Variants in KLHL1 observed in about 807,000 individuals in gnomAD.
The protein encoded by KLHL1 is kelch-like protein 1.
KLHL1 carries 47 observed loss-of-function variants against 77.7 expected under a neutral mutation model. The observed-to-expected ratio is 0.60, with a 90% CI of 0.48 to 0.77. KLHL1 has a LOEUF of 0.77. Among genes scored for constraint, KLHL1 ranks in the 30% least tolerant of loss-of-function variants. The pLI is 0.00. For missense variants in KLHL1, 925 were observed against 910.8 expected, an observed-to-expected ratio of 1.02 and a Z score of -0.20; for synonymous variants, 360 against 325.2, an observed-to-expected ratio of 1.11 and a Z score of -1.15.
rs78603484 is a variant in KLHL1 at position 70,017,148 on chromosome 13, C to T, written c.498-41346G>A. Among the ~76,000 whole-genome samples the T allele has an allele frequency of 3.6e-3, 548 of 152,334 alleles. 5 individuals are homozygous for T. Among genetic ancestry groups the T allele is most frequent in the African/African-American group, 0.013 (529 of 41,588 alleles). Reference sequence around the variant, plus strand: ...ATTCCTCCTGGACATAGGACAAGAACTCAGGACCTGCCAAATGGCAACACT... The same window carrying T: ...ATTCCTCCTGGACATAGGACAAGAATTCAGGACCTGCCAAATGGCAACACT... On this transcript the variant is annotated intron_variant, in intron 1 of 10. Coordinates refer to ENST00000377844, the MANE Select transcript of KLHL1 (RefSeq NM_020866.3).
chr13:70,045,708 T>A (rs1444368534), intron 1 of KLHL1, among the ~76,000 whole-genome samples: 1 of 152,154 alleles, frequency 6.6e-6, no homozygotes, highest in Non-Finnish European at 1.5e-5. Context: ...AAATATTTTT[T>A]TCCTGAGTAA....
intron 5 of KLHL1, among the ~76,000 whole-genome samples, chr13:69,862,383 C>T (rs1464042627): frequency 6.6e-6 from 1 of 152,016 alleles, no homozygotes; most frequent in Non-Finnish European, 1.5e-5. Flanking sequence ...TTCCATTTTA[C>T]CAAAGGCACA....
intron 4 of KLHL1, among the ~76,000 whole-genome samples, chr13:69,923,148 A>G (rs113862200): frequency 8.5e-5 from 13 of 152,354 alleles, no homozygotes; most frequent in African/African-American, 3.1e-4. Context: ...AAGGTTCATC[A>G]AATGGTAAAA....
intron 1 of KLHL1, among the ~76,000 whole-genome samples, chr13:70,104,304 G>A (rs1000678863): frequency 2.6e-5 from 4 of 152,120 alleles, no homozygotes; most frequent in Non-Finnish European, 5.9e-5. Flanking sequence ...TGGGATGCAG[G>A]TAGTGAGCAT....
chr13:69,943,076 T>G (rs768747993), intron 3 of KLHL1, among the ~76,000 whole-genome samples: 1 of 152,058 alleles, frequency 6.6e-6, no homozygotes, highest in Non-Finnish European at 1.5e-5. Context: ...CTTTATTAGA[T>G]TATGGTGAAG....
At chr13:69,953,304 G>A (rs1026421840) in intron 3 of KLHL1, among the ~76,000 whole-genome samples, 7 of 151,122 alleles carry the variant, frequency 4.6e-5, no homozygotes, top group African/African-American at 1.7e-4. Context: ...AATATTAATT[G>A]TAAGAAAAAA....
chr13:69,735,976 A>C (rs1873745060), intron 8 of KLHL1, among the ~76,000 whole-genome samples: 2 of 152,164 alleles, frequency 1.3e-5, no homozygotes, highest in Admixed American at 1.3e-4. Context: ...GTGTGTATGC[A>C]CATATACAGT....
intron 7 of KLHL1, among the ~76,000 whole-genome samples, chr13:69,792,935 A>G (rs1403780769): frequency 2.0e-5 from 3 of 152,124 alleles, no homozygotes; most frequent in Admixed American, 2.0e-4. Context: ...GATGACAAAA[A>G]TGTTTTGGAA....
At chr13:70,001,255 A>G (rs1339224259) in intron 1 of KLHL1, among the ~76,000 whole-genome samples, 1 of 151,264 alleles carries the variant, frequency 6.6e-6, no homozygotes, top group Non-Finnish European at 1.5e-5. Context: ...ATAAAAATGT[A>G]GTCAAATATT....
chr13:69,881,494 T>G (rs1008239397), intron 5 of KLHL1, among the ~76,000 whole-genome samples: 5 of 152,196 alleles, frequency 3.3e-5, no homozygotes, highest in Non-Finnish European at 7.4e-5. Flanking sequence ...ACCCATCAAC[T>G]TAGAAGTTAG....
intron 7 of KLHL1, among the ~76,000 whole-genome samples, chr13:69,771,827 CA>C (rs1249677766): frequency 6.6e-6 from 1 of 152,022 alleles, no homozygotes; most frequent in East Asian, 1.9e-4. Context: ...AAAAAATGGT[CA>C]AATTAGGAAG....
intron 1 of KLHL1, among the ~76,000 whole-genome samples, chr13:70,031,991 C>G (rs1387221587): frequency 1.3e-5 from 2 of 152,064 alleles, no homozygotes; most frequent in African/African-American, 2.4e-5. Context: ...TGAGAAAGCC[C>G]TGGGGGTGAA....
intron 5 of KLHL1, among the ~76,000 whole-genome samples, chr13:69,845,425 C>T (rs1879420434): frequency 6.6e-6 from 1 of 151,532 alleles, no homozygotes; most frequent in Admixed American, 6.6e-5. Context: ...TTCTGCTGTA[C>T]ATTTTAGTGT....
intron 6 of KLHL1, among the ~76,000 whole-genome samples, chr13:69,814,678 A>G (rs2138068233): frequency 6.6e-6 from 1 of 152,254 alleles, no homozygotes; most frequent in Non-Finnish European, 1.5e-5. Context: ...CAAAATCACA[A>G]TGAGATACCT....
intron 2 of KLHL1, among the ~76,000 whole-genome samples, chr13:69,965,248 A>C (rs1884179424): frequency 6.6e-6 from 1 of 152,188 alleles, no homozygotes; most frequent in Admixed American, 6.5e-5. Flanking sequence ...CATCAAAACC[A>C]GTTTTCCAAC....
intron 6 of KLHL1, among the ~76,000 whole-genome samples, chr13:69,816,837 A>G (rs915656391): frequency 1.3e-5 from 2 of 152,150 alleles, no homozygotes; most frequent in African/African-American, 4.8e-5. Flanking sequence ...ACATGCCTGC[A>G]GTCCCAGCTA....
At position 69,777,522 on chromosome 13, in the gene KLHL1, AATCC is replaced by A. The variant is rs1284340084; in HGVS notation, c.1639+19212_1639+19215del. ...ATATTTTAAAATACTTTCATGAGAT[AATCC>A]AATATCATTTAAATTAATTTATTTT... On this transcript the variant is annotated intron_variant, in intron 7 of 10. Transcript: ENST00000377844. Among the ~76,000 whole-genome samples the A allele has an allele frequency of 3.3e-5, 5 of 152,308 alleles. No individual in the cohort carries two copies. In the East Asian group the frequency reaches 9.6e-4, roughly 29 times the overall value.
intron 1 of KLHL1, among the ~76,000 whole-genome samples, chr13:70,076,189 G>C (rs1887263876): frequency 6.6e-6 from 1 of 151,812 alleles, no homozygotes; most frequent in Non-Finnish European, 1.5e-5. Flanking sequence ...CAACGGTTAA[G>C]AAAAAGGTAA....
chr13:69,866,857 T>G (rs1416682109), intron 5 of KLHL1, among the ~76,000 whole-genome samples: 1 of 152,068 alleles, frequency 6.6e-6, no homozygotes, highest in East Asian at 1.9e-4. Flanking sequence ...GAACACCACA[T>G]GTTTTGTTGT....
Sources: gnomAD v4.1 joint callset for allele counts (sites outside exome capture counted in the v4.1 genomes callset) on GRCh38, gnomAD v4.1.1 for gene constraint, MANE v1.5 for transcripts, NCBI Gene and HGNC (gene_info 2026-07-23, HGNC 2026-07-21) for gene names.